The following UMAD1 variants were observed in gnomAD, a reference collection of about 807,000 sequenced individuals.
UMAD1 encodes UBAP1-MVB12-associated (UMA) domain containing 1.
UMAD1 carries 8 observed loss-of-function variants against 6.1 expected under a neutral mutation model. The ratio of observed to expected loss-of-function variants is 1.30; its 90% CI spans 0.76 to 2.35. The LOEUF (loss-of-function observed/expected upper bound fraction) is 2.35, where lower values mean the gene tolerates loss of function less well. UMAD1 is among the 30% of genes most tolerant of loss of function. The pLI, the probability that UMAD1 is intolerant of heterozygous loss-of-function variation, is 0.00. For missense variants in UMAD1, 130 were observed against 78.4 expected (o/e 1.66, Z -2.49); for synonymous variants, 56 against 31.4 (o/e 1.78, Z -2.61).
At chr7:7,814,910 A>G (rs4725035) in intron 3 of UMAD1, among the ~76,000 whole-genome samples, 95,286 of 151,906 alleles carry the variant, frequency 0.63, 30,015 homozygotes, top group African/African-American at 0.69. Flanking sequence ...CCTCCTTTCC[A>G]GGTCATCAAC....
At chr7:7,826,251 A>G (rs989617107) in intron 3 of UMAD1, among the ~76,000 whole-genome samples, 5 of 152,138 alleles carry the variant, frequency 3.3e-5, no homozygotes, top group Middle Eastern at 3.2e-3. Flanking sequence ...ACGTTAGGCA[A>G]TTGAGGGCTG....
intron 2 of UMAD1, among the ~76,000 whole-genome samples, chr7:7,707,561 A>T (rs1563141425): frequency 6.6e-6 from 1 of 152,192 alleles, no homozygotes; most frequent in East Asian, 1.9e-4. Context: ...ATATAAAGTG[A>T]TTTCACTACT....
chr7:7,718,174 C>G (rs925683482), intron 2 of UMAD1, among the ~76,000 whole-genome samples: 12 of 152,242 alleles, frequency 7.9e-5, no homozygotes, highest in East Asian at 5.8e-4. Context: ...AATTGCAGAA[C>G]TTGAGTGATT....
chr7:7,876,146 A>C (rs1014571615), intron 3 of UMAD1, among the ~76,000 whole-genome samples: 5 of 152,204 alleles, frequency 3.3e-5, no homozygotes, highest in African/African-American at 1.2e-4. Context: ...GCTTGGAAGG[A>C]GATAAGGGAA....
chr7:7,872,903 G>C (rs1043420885), intron 3 of UMAD1, among the ~76,000 whole-genome samples: 3 of 152,144 alleles, frequency 2.0e-5, no homozygotes, highest in Non-Finnish European at 4.4e-5. Context: ...GATTAAGAGA[G>C]AAAGCAAGAA....
chr7:7,685,085 T>C (rs1320049579), intron 2 of UMAD1, among the ~76,000 whole-genome samples: 2 of 152,176 alleles, frequency 1.3e-5, no homozygotes, highest in Non-Finnish European at 2.9e-5. Flanking sequence ...ATTAAAGATA[T>C]AGATAATGAG....
chr7:7,789,912 G>A (rs1203978334), intron 2 of UMAD1, among the ~76,000 whole-genome samples: 4 of 152,090 alleles, frequency 2.6e-5, no homozygotes, highest in African/African-American at 9.7e-5. Context: ...TGTGAACATG[G>A]GTGTATGTTC....
At chr7:7,761,482 A>T (rs1053127748) in intron 2 of UMAD1, among the ~76,000 whole-genome samples, 2 of 152,180 alleles carry the variant, frequency 1.3e-5, no homozygotes, top group African/African-American at 4.8e-5. Context: ...TATTAAAGAT[A>T]TGTCTTTGGT....
intron 3 of UMAD1, among the ~76,000 whole-genome samples, chr7:7,834,496 C>G (rs766467593): frequency 6.6e-6 from 1 of 152,150 alleles, no homozygotes; most frequent in African/African-American, 2.4e-5. Context: ...AAACAACAGA[C>G]ATTTATTTTT....
chr7:7,701,172 T>C (rs762324421), intron 2 of UMAD1, among the ~76,000 whole-genome samples: 46 of 152,222 alleles, frequency 3.0e-4, no homozygotes, highest in South Asian at 1.0e-3. Flanking sequence ...TAGAGGAAGA[T>C]GTGTGAGGAG....
At chr7:7,775,453 A>C (rs191888984) in intron 2 of UMAD1, among the ~76,000 whole-genome samples, 3 of 152,314 alleles carry the variant, frequency 2.0e-5, no homozygotes, top group Admixed American at 2.0e-4. Context: ...GCTGTCTCTC[A>C]TTCTCTTTCC....
chr7:7,733,606 A>G (rs1343735559), intron 2 of UMAD1, among the ~76,000 whole-genome samples: 3 of 147,754 alleles, frequency 2.0e-5, no homozygotes, highest in East Asian at 2.0e-4. Flanking sequence ...GTCACCAGAC[A>G]TTGTACAGAA....
At chr7:7,844,868 AT>A (rs1171301963) in intron 3 of UMAD1, among the ~76,000 whole-genome samples, 1 of 152,184 alleles carries the variant, frequency 6.6e-6, no homozygotes, top group Admixed American at 6.5e-5. Context: ...TTCTAAAAAG[AT>A]TTTTAGTTTG....
chr7:7,643,316 G>A (rs1249998798), intron 1 of UMAD1, among the ~76,000 whole-genome samples: 1 of 152,214 alleles, frequency 6.6e-6, no homozygotes, highest in Non-Finnish European at 1.5e-5. Context: ...GGGCGTGCAT[G>A]TAACTCCCTA....
chr7:7,833,039 T>G (rs1243240262), intron 3 of UMAD1, among the ~76,000 whole-genome samples: 2 of 152,190 alleles, frequency 1.3e-5, no homozygotes, highest in African/African-American at 4.8e-5. Flanking sequence ...GTTGTAGTTA[T>G]CTTGCAAAGG....
At chr7:7,764,370 TA>T (rs1254455792) in intron 2 of UMAD1, among the ~76,000 whole-genome samples, 2 of 152,156 alleles carry the variant, frequency 1.3e-5, no homozygotes, top group African/African-American at 4.8e-5. Flanking sequence ...TTTAATGTAA[TA>T]AAAATAATTT....
chr7:7,699,309 G>C (rs1780399540), intron 2 of UMAD1, among the ~76,000 whole-genome samples: 2 of 151,964 alleles, frequency 1.3e-5, no homozygotes, highest in African/African-American at 4.8e-5. Flanking sequence ...TTATCCAACT[G>C]ATTTAAAATT....
chr7:7,732,400 A>G (rs1350998529), intron 2 of UMAD1, among the ~76,000 whole-genome samples: 1 of 152,102 alleles, frequency 6.6e-6, no homozygotes. Flanking sequence ...ATAAATAATA[A>G]AGTTTCTAAT....
intron 2 of UMAD1, among the ~76,000 whole-genome samples, chr7:7,795,711 G>A (rs557774549): frequency 6.6e-6 from 1 of 152,112 alleles, no homozygotes; most frequent in Non-Finnish European, 1.5e-5. Context: ...GACCTTATAG[G>A]GTAACTTCTG....
Sources: allele counts gnomAD v4.1 joint callset (sites outside exome capture counted in the v4.1 genomes callset), GRCh38; gene constraint gnomAD v4.1.1; transcripts MANE v1.5; gene names NCBI Gene and HGNC (gene_info 2026-07-23, HGNC 2026-07-21).